UBE4B: variants seen among roughly 807,000 people sequenced by gnomAD.
UBE4B encodes ubiquitin conjugation factor E4 B.
In UBE4B, 27 loss-of-function variants were observed where a neutral mutation model predicts 148.1. The ratio of observed to expected loss-of-function variants is 0.18; its 90% CI spans 0.13 to 0.25. The LOEUF (loss-of-function observed/expected upper bound fraction) is 0.25. UBE4B is among the 10% of genes least tolerant of loss of function. The probability of loss-of-function intolerance (pLI) is 1.00; values close to 1 mark genes in which losing one functional copy is unlikely to be tolerated. For missense variants in UBE4B, 1,170 were observed against 1,662.4 expected, an observed-to-expected ratio of 0.70 and a Z score of 5.15; for synonymous variants, 596 against 619.3, an observed-to-expected ratio of 0.96 and a Z score of 0.56.
intron 1 of UBE4B, among the ~76,000 whole-genome samples, chr1:10,061,942 G>A (rs1213931660): frequency 6.9e-6 from 1 of 144,780 alleles, no homozygotes; most frequent in East Asian, 2.0e-4. Context: ...ACGAGGTCTC[G>A]CTCTGTTGCC....
chr1:10,106,368 C>T lies in UBE4B; in HGVS notation c.981C>T (p.Ser327=), dbSNP rs750229834. The change falls in exon 7 of 28, where the codon TCC becomes TCT. Residue 327 remains serine (S), a synonymous_variant. Coordinates refer to ENST00000343090, the MANE Select transcript of UBE4B (RefSeq NM_001105562.3). The surrounding 1 kb of genome is among the most constrained non-coding windows in gnomAD (Gnocchi z 4.2). ...CTGCTGCGGGAAGCCAGCCTTCATC[C>T]CCGCGGTATCGCCCCTACACTGTCA... ...SGTAAGSQPS[S]PRYRPYTVTH... The T allele has an allele frequency of 1.2e-6, 2 of 1,613,704 alleles. No homozygotes were observed. Among genetic ancestry groups the T allele is most frequent in the Non-Finnish European group, 8.5e-7 (1 of 1,179,772 alleles).
chr1:10,165,694 C>G (rs1312297935), intron 23 of UBE4B, among the ~76,000 whole-genome samples: 1 of 152,150 alleles, frequency 6.6e-6, no homozygotes, highest in Non-Finnish European at 1.5e-5. Context: ...TGCTCTTCCC[C>G]CTACCTGGAA....
At chr1:10,132,246 C>A in intron 14 of UBE4B, 123 bp from the exon 15 acceptor site, 2 of 664,756 alleles carry the variant, frequency 3.0e-6, no homozygotes, top group Admixed American at 2.7e-5. Context: ...TCAGGCTCTT[C>A]TAAAATGAGT....
At chr1:10,105,905 T>A (rs1437594436) in intron 6 of UBE4B, among the ~76,000 whole-genome samples, 161 bp downstream of exon 6, 1 of 152,170 alleles carries the variant, frequency 6.6e-6, no homozygotes, top group Non-Finnish European at 1.5e-5. Flanking sequence ...GAATTCTCTT[T>A]TCTAGATTAT....
intron 1 of UBE4B, among the ~76,000 whole-genome samples, chr1:10,066,119 C>G (rs1427324315): frequency 2.0e-5 from 3 of 146,900 alleles, no homozygotes; most frequent in Non-Finnish European, 4.5e-5. Context: ...CTCCCTCTCT[C>G]CCTTCCTACC....
rs759248268 is a variant in UBE4B at position 10,106,321 on chromosome 1, C to A, written c.934C>A (p.Pro312Thr). 6.2e-7 allele frequency: 1 copy of A among 1,614,068 alleles called. No individual in the cohort carries two copies. The highest frequency in any genetic ancestry group is 8.5e-7 in the Non-Finnish European group (1 of 1,180,024). ...GGCTGTGCCTTCCACTCCCCTCAGT[C>A]CTCACAGTGCAGCCTCTGGAACTGC... ...QLAVPSTPLS[P>T]HSAASGTAAG... Residue 312 changes from proline to threonine, a missense_variant, in exon 7 of 28, where the codon CCT becomes ACT. By Grantham distance (38) the Pro-to-Thr change is conservative. Coordinates refer to ENST00000343090, the MANE Select transcript of UBE4B (RefSeq NM_001105562.3). The surrounding 1 kb of genome is among the most constrained non-coding windows in gnomAD (Gnocchi z 4.2).
At chr1:10,131,844 T>C (rs910691179) in intron 14 of UBE4B, among the ~76,000 whole-genome samples, 32 of 152,224 alleles carry the variant, frequency 2.1e-4, no homozygotes, top group African/African-American at 7.7e-4. Context: ...TCCCAGCGAC[T>C]TGGGAGGCTG....
At chr1:10,175,165 G>C (rs544616514) in intron 25 of UBE4B, among the ~76,000 whole-genome samples, 83 of 152,252 alleles carry the variant, frequency 5.5e-4, no homozygotes, top group Middle Eastern at 6.8e-3. Context: ...CTCCATGCCA[G>C]AGAAGTGGGA....
intron 7 of UBE4B, among the ~76,000 whole-genome samples, chr1:10,110,394 C>T (rs1645198034): frequency 6.6e-6 from 1 of 152,106 alleles, no homozygotes; most frequent in Non-Finnish European, 1.5e-5. Context: ...GTGAGAATTA[C>T]CGTGTGTGAA....
intron 5 of UBE4B, among the ~76,000 whole-genome samples, chr1:10,104,656 A>G (rs888278529): frequency 2.0e-5 from 3 of 152,220 alleles, no homozygotes; most frequent in Non-Finnish European, 2.9e-5. Context: ...CATGTATTTG[A>G]AACTCTGCTA....
chr1:10,144,733 T>TAA (rs765648505), intron 17 of UBE4B, among the ~76,000 whole-genome samples: 15,692 of 135,912 alleles, frequency 0.12, 2,006 homozygotes, highest in African/African-American at 0.32. Flanking sequence ...GACTCTGTCT[T>TAA]AAAAAAAAAA....
At chr1:10,038,280 CAAAAA>C (rs535925205) in intron 1 of UBE4B, among the ~76,000 whole-genome samples, 1 of 95,564 alleles carries the variant, frequency 1.0e-5, no homozygotes. Flanking sequence ...AACTCCATCT[CAAAAA>C]AAAAAAAAAA....
chr1:10,101,012 A>T, intron 3 of UBE4B, 96 bp from the exon 4 acceptor site: 1 of 1,043,110 alleles, frequency 9.6e-7, no homozygotes, highest in Non-Finnish European at 1.4e-6. Context: ...TTTCCTGATT[A>T]ACTGATATTT....
intron 7 of UBE4B, chr1:10,107,258 A>G (rs930253813): frequency 7.8e-7 from 1 of 1,289,500 alleles, no homozygotes; most frequent in Non-Finnish European, 1.0e-6. Context: ...TCTTCCTCGC[A>G]CTTTCTGGGG....
intron 1 of UBE4B, among the ~76,000 whole-genome samples, chr1:10,044,121 C>T (rs941686665): frequency 6.6e-6 from 1 of 151,854 alleles, no homozygotes; most frequent in Non-Finnish European, 1.5e-5. Context: ...TCACTGCAAC[C>T]TCCACCTGCC....
At chr1:10,045,273 C>G (rs1461294498) in intron 1 of UBE4B, among the ~76,000 whole-genome samples, 1 of 152,288 alleles carries the variant, frequency 6.6e-6, no homozygotes, top group African/African-American at 2.4e-5. Flanking sequence ...CATTAGGGAG[C>G]TTCAGAGAGG....
chr1:10,118,504 AT>A (rs946181284), intron 8 of UBE4B, among the ~76,000 whole-genome samples: 36 of 142,494 alleles, frequency 2.5e-4, no homozygotes, highest in Non-Finnish European at 2.5e-4. Context: ...CACCCAGCTA[AT>A]TTTTTTTTTT....
Position 10,179,538 on chromosome 1 carries a change from C to T in UBE4B, c.3823C>T (p.Leu1275=). 1 of 1,613,666 alleles carries T rather than the reference C, an allele frequency of 6.2e-7. No homozygotes were observed. Among genetic ancestry groups the T allele is most frequent in the Non-Finnish European group, 8.5e-7 (1 of 1,180,024 alleles). The change falls in exon 27 of 28, where the codon CTG becomes TTG. Residue 1275 remains leucine (L), a synonymous_variant. Transcript: ENST00000343090. ...SPTDPFNRQT[L]TESMLEPVPE... ...CACGGACCCCTTCAACCGGCAGACG[C>T]TGACAGAGAGCATGCTGGAACCAGG...
rs540903847 is a variant in UBE4B at position 10,051,829 on chromosome 1, C to T, written c.24+18135C>T. Among the ~76,000 whole-genome samples, 3 of 152,280 alleles carry T rather than the reference C, an allele frequency of 2.0e-5. No individual in the cohort carries two copies. The East Asian group carries it at 5.8e-4, about 29-fold the overall frequency. On this transcript the variant is annotated intron_variant, in intron 1 of 27. Transcript: ENST00000343090. The stretch of plus-strand genomic sequence containing the variant: ...TCTTCTGAAAGAATTGTACCCCTCC[C>T]AGCAGGGGGAGAAAATCTCTGAATT...
Sources: allele counts gnomAD v4.1 joint callset (sites outside exome capture counted in the v4.1 genomes callset), GRCh38; gene constraint gnomAD v4.1.1; non-coding constraint Gnocchi (gnomAD v3.1); transcripts MANE v1.5; gene names NCBI Gene and HGNC (gene_info 2026-07-23, HGNC 2026-07-21).